The following SHROOM3 variants were observed in gnomAD, a reference collection of about 807,000 sequenced individuals.
SHROOM3 encodes protein Shroom3.
A neutral mutation model predicts 138.6 loss-of-function variants in SHROOM3; 47 were observed. The observed-to-expected ratio is 0.34, with a 90% CI of 0.27 to 0.43. The LOEUF is 0.43. Ranked by LOEUF, SHROOM3 falls within the 20% of genes least tolerant of loss-of-function variation. The pLI is 1.00. For missense variants in SHROOM3, 2,491 were observed against 2,596.5 expected, an observed-to-expected ratio of 0.96 and a Z score of 0.88; for synonymous variants, 1,062 against 1,063.3, an observed-to-expected ratio of 1.00 and a Z score of 0.02.
intron 3 of SHROOM3, among the ~76,000 whole-genome samples, chr4:76,726,882 ACTTT>A (rs1251795689): frequency 6.6e-6 from 1 of 152,030 alleles, no homozygotes; most frequent in Non-Finnish European, 1.5e-5. Flanking sequence ...GGAATTTATC[ACTTT>A]CTATTTCTCT....
At chr4:76,761,177 C>T (rs1721977720) in intron 9 of SHROOM3, among the ~76,000 whole-genome samples, 1 of 151,342 alleles carries the variant, frequency 6.6e-6, no homozygotes, top group Non-Finnish European at 1.5e-5. Context: ...TAACCTTTGT[C>T]CCCTTTCCTT....
At chr4:76,558,789 A>C (rs926495033) in intron 2 of SHROOM3, among the ~76,000 whole-genome samples, 1 of 152,260 alleles carries the variant, frequency 6.6e-6, no homozygotes, top group African/African-American at 2.4e-5. Context: ...AATTATGGTC[A>C]GGAGTTTGCA....
chr4:76,665,227 G>GA (rs1232320410), intron 2 of SHROOM3, among the ~76,000 whole-genome samples: 1 of 152,160 alleles, frequency 6.6e-6, no homozygotes, highest in Non-Finnish European at 1.5e-5. Flanking sequence ...TCCAACTGTG[G>GA]AACCACCTCC....
chr4:76,553,258 T>G (rs965839993), intron 1 of SHROOM3, among the ~76,000 whole-genome samples: 1 of 152,004 alleles, frequency 6.6e-6, no homozygotes, highest in Admixed American at 6.6e-5. Context: ...ACCTCCTGGT[T>G]TCTTTTCTTT....
intron 1 of SHROOM3, among the ~76,000 whole-genome samples, chr4:76,469,549 C>A (rs1168840634): frequency 6.6e-6 from 1 of 152,096 alleles, no homozygotes; most frequent in Non-Finnish European, 1.5e-5. Context: ...CTCTGCCTCC[C>A]AGGTTCAAGC....
intron 1 of SHROOM3, among the ~76,000 whole-genome samples, chr4:76,450,267 C>T (rs532493574): frequency 1.8e-4 from 28 of 152,208 alleles, no homozygotes; most frequent in Admixed American, 1.5e-3. Flanking sequence ...TAAAAGTATA[C>T]TTTTTCATAC....
chr4:76,459,382 A>G (rs1731096009), intron 1 of SHROOM3, among the ~76,000 whole-genome samples: 2 of 152,204 alleles, frequency 1.3e-5, no homozygotes, highest in South Asian at 4.1e-4. Flanking sequence ...TACACAGCCG[A>G]ATAGTTGGGA....
intron 1 of SHROOM3, among the ~76,000 whole-genome samples, chr4:76,550,759 G>C (rs1294965796): frequency 2.0e-5 from 3 of 152,026 alleles, no homozygotes; most frequent in Non-Finnish European, 4.4e-5. Flanking sequence ...AGAACTTTGG[G>C]AGGCTGAAGC....
chr4:76,716,350 C>A (rs1432538519), intron 3 of SHROOM3: 1 of 518,958 alleles, frequency 1.9e-6, no homozygotes, highest in Middle Eastern at 3.2e-4. Flanking sequence ...TATTCCACGA[C>A]TGAATATGAC....
rs369425524 is a variant in SHROOM3, at chr4:76,741,330, A to C, written c.3157A>C (p.Ser1053Arg). Residue 1053 changes from serine (S) to arginine (R), a missense_variant, in exon 5 of 11, where the codon AGC becomes CGC. Coordinates refer to ENST00000296043, the MANE Select transcript of SHROOM3 (RefSeq NM_020859.4). This position sits in a 1 kb window ranked among gnomAD's most constrained non-coding sequence, Gnocchi z 6.2. ...QRNGMRFPES[S>R]VADRRRLFER... is the part of the protein sequence containing the mutation. ...AAATGGGATGCGTTTCCCGGAGAGC[A>C]GCGTGGCCGACCGGCGCCGTCTCTT... 1 of 1,611,438 alleles carries C rather than the reference A, an allele frequency of 6.2e-7. No individual in the cohort carries two copies. Among genetic ancestry groups the C allele is most frequent in the South Asian group, 1.1e-5 (1 of 90,916 alleles).
intron 1 of SHROOM3, among the ~76,000 whole-genome samples, chr4:76,470,139 T>C (rs1415751133): frequency 1.3e-5 from 2 of 152,144 alleles, no homozygotes; most frequent in African/African-American, 4.8e-5. Context: ...ATAATCCCCA[T>C]TTAACATAAA....
chr4:76,608,598 A>G, intron 2 of SHROOM3, among the ~76,000 whole-genome samples: 1 of 111,306 alleles, frequency 9.0e-6, no homozygotes, highest in African/African-American at 3.4e-5. Flanking sequence ...AGCATAGCAT[A>G]GCATAGCATA....
chr4:76,719,024 A>G (rs1390592800), intron 3 of SHROOM3, among the ~76,000 whole-genome samples: 1 of 151,840 alleles, frequency 6.6e-6, no homozygotes, highest in Non-Finnish European at 1.5e-5. Flanking sequence ...GATAGAGGGG[A>G]GAAGCTCTAC....
chr4:76,501,731 A>C (rs1732100220), intron 1 of SHROOM3, among the ~76,000 whole-genome samples: 1 of 152,154 alleles, frequency 6.6e-6, no homozygotes, highest in Admixed American at 6.5e-5. Flanking sequence ...AAAAATTCCT[A>C]AACTATGGGA....
intron 4 of SHROOM3, among the ~76,000 whole-genome samples, 163 bp downstream of exon 4, chr4:76,731,098 G>A (rs542721315): frequency 6.7e-4 from 102 of 152,158 alleles, no homozygotes; most frequent in Non-Finnish European, 1.2e-3. Flanking sequence ...TGCTTGACGT[G>A]TATATGAGTT....
At chr4:76,759,871 CTT>C (rs1464123278) in intron 9 of SHROOM3, among the ~76,000 whole-genome samples, 176 bp downstream of exon 9, 6 of 152,208 alleles carry the variant, frequency 3.9e-5, no homozygotes, top group Admixed American at 3.9e-4. Context: ...CTAATTTCCT[CTT>C]AGCTTTTCTG....
intron 2 of SHROOM3, among the ~76,000 whole-genome samples, chr4:76,568,624 C>T (rs1733776048): frequency 6.6e-6 from 1 of 152,304 alleles, no homozygotes; most frequent in Admixed American, 6.5e-5. Flanking sequence ...AGCCTGTCCC[C>T]AGCCCTTGTT....
intron 2 of SHROOM3, among the ~76,000 whole-genome samples, chr4:76,631,203 CTTTTTTT>C (rs71212436): frequency 4.8e-5 from 5 of 104,200 alleles, no homozygotes; most frequent in Non-Finnish European, 9.0e-5. Context: ...TTTTTTTAAT[CTTTTTTT>C]TTTTTTTTTT....
At chr4:76,499,090 C>T (rs1732035136) in intron 1 of SHROOM3, among the ~76,000 whole-genome samples, 1 of 152,176 alleles carries the variant, frequency 6.6e-6, no homozygotes, top group African/African-American at 2.4e-5. Flanking sequence ...CCAATTCTCC[C>T]TCATTGTATA....
Sources: allele counts gnomAD v4.1 joint callset (sites outside exome capture counted in the v4.1 genomes callset), GRCh38; gene constraint gnomAD v4.1.1; non-coding constraint Gnocchi (gnomAD v3.1); transcripts MANE v1.5; gene names NCBI Gene and HGNC (gene_info 2026-07-23, HGNC 2026-07-21).